BOC: variants seen among roughly 807,000 people sequenced by gnomAD.
BOC encodes the protein BOC cell adhesion associated, oncogene regulated.
A neutral mutation model predicts 112.0 loss-of-function variants in BOC; 76 were observed. The observed-to-expected ratio is 0.68, with a 90% CI of 0.56 to 0.82. The LOEUF is 0.82. Among genes scored for constraint, BOC ranks in the 40% least tolerant of loss-of-function variants. The probability of loss-of-function intolerance (pLI) is 0.00; values close to 1 mark genes in which losing one functional copy is unlikely to be tolerated. For synonymous variants in BOC, 580 were observed against 599.8 expected, an observed-to-expected ratio of 0.97 and a Z score of 0.48; for missense variants, 1,309 against 1,511.7, an observed-to-expected ratio of 0.87 and a Z score of 2.22.
rs74968903 is a variant in BOC, at chr3:113,272,233, T to G, written c.668-177T>G. On this transcript the variant is annotated intron_variant, in intron 6 of 19. Transcript: ENST00000682979. ...TCCCTGCAGAAGCAGTCCTTGTTTC[T>G]GATAAGGACACCAAGCCCCAAGGGA... 2.4e-3 allele frequency: 1,600 copies of G among 665,036 alleles called. 22 individuals are homozygous for G. In the African/African-American group the frequency reaches 0.026, roughly 11 times the overall value. The allele number at this position is 665,036 out of a possible 1,614,324, so 41.2% of individuals were successfully genotyped here.
intron 2 of BOC, among the ~76,000 whole-genome samples, chr3:113,225,544 A>G (rs1941527649): frequency 6.6e-6 from 1 of 152,210 alleles, no homozygotes; most frequent in Non-Finnish European, 1.5e-5. Context: ...GTGACTCACT[A>G]AGAGTGCTGG....
intron 19 of BOC, among the ~76,000 whole-genome samples, chr3:113,286,304 GA>G (rs1949687154): frequency 6.6e-6 from 1 of 152,182 alleles, no homozygotes; most frequent in South Asian, 2.1e-4. Context: ...GGGGGGACTG[GA>G]TTGTGAGTGG....
chr3:113,249,303 A>G (rs901073687), intron 2 of BOC, among the ~76,000 whole-genome samples: 1 of 152,252 alleles, frequency 6.6e-6, no homozygotes, highest in African/African-American at 2.4e-5. Context: ...GGCAGGGCAC[A>G]TGGCTGTGAC....
Position 113,279,237 on chromosome 3 carries a change from G to A in BOC, c.1817-12G>A, listed in dbSNP as rs746230175. 9 of 1,610,926 alleles carry A rather than the reference G, an allele frequency of 5.6e-6. No individual in the cohort carries two copies. The highest frequency in any genetic ancestry group is 4.0e-5 in the African/African-American group (3 of 74,844). On this transcript the variant is annotated splice_polypyrimidine_tract_variant and intron_variant, in intron 11 of 19. Transcript: ENST00000682979. ...CCCTGCTTCCTTCCTCACTGGATAC[G>A]GTCTTTCCCAGCCCCAGAAGCTCCC...
In BOC at chr3:113,270,792, T is replaced by G. The variant is rs370429617; in HGVS notation, c.524-9T>G. ...ATCCCATCTTCCCCTGGCCCTGCCC[T>G]TTCCACAGGTAACTACCTGATCATG... On this transcript the variant is annotated splice_polypyrimidine_tract_variant and intron_variant, in intron 5 of 19. Coordinates refer to ENST00000682979, the MANE Select transcript of BOC (RefSeq NM_001378074.1). The G allele has an allele frequency of 1.2e-6, 2 of 1,604,234 alleles. No individual in the cohort carries two copies. The highest frequency in any genetic ancestry group is 1.1e-5 in the South Asian group (1 of 89,300).
intron 19 of BOC, among the ~76,000 whole-genome samples, chr3:113,286,441 C>G (rs376601745): frequency 1.3e-5 from 2 of 152,086 alleles, no homozygotes; most frequent in Non-Finnish European, 2.9e-5. Context: ...GGGCTCAGTG[C>G]GGGAGTCTCT....
intron 4 of BOC, among the ~76,000 whole-genome samples, chr3:113,263,088 G>A (rs750611624): frequency 4.6e-5 from 7 of 152,214 alleles, no homozygotes; most frequent in Non-Finnish European, 2.9e-5. Flanking sequence ...TTTGTGCCTT[G>A]TAGCATTAGC....
chr3:113,224,109 G>A (rs896697749), intron 2 of BOC, among the ~76,000 whole-genome samples: 8 of 152,224 alleles, frequency 5.3e-5, no homozygotes, highest in African/African-American at 1.2e-4. Context: ...TGCGGATAGC[G>A]GTGGGGAAGT....
intron 6 of BOC, chr3:113,271,145 C>A: frequency 2.7e-6 from 2 of 744,058 alleles, no homozygotes; most frequent in Non-Finnish European, 4.7e-6. Flanking sequence ...CATCTCACAG[C>A]ACACAGCACC....
intron 2 of BOC, among the ~76,000 whole-genome samples, chr3:113,217,268 C>G (rs1238382414): frequency 6.6e-6 from 1 of 152,216 alleles, no homozygotes; most frequent in Non-Finnish European, 1.5e-5. Context: ...GTAATCGCAA[C>G]ACTTTGGGAG....
chr3:113,228,648 A>G (rs1875112), intron 2 of BOC, among the ~76,000 whole-genome samples: 54,733 of 151,898 alleles, frequency 0.36, 10,156 homozygotes, highest in East Asian at 0.57. Flanking sequence ...GCTGTTCCAA[A>G]TGTTGGGGGA....
At chr3:113,286,439 T>C (rs912594571) in intron 19 of BOC, among the ~76,000 whole-genome samples, 2 of 152,092 alleles carry the variant, frequency 1.3e-5, no homozygotes, top group Non-Finnish European at 2.9e-5. Context: ...GTGGGCTCAG[T>C]GCGGGAGTCT....
At chr3:113,261,105 G>T (rs1946826202) in intron 4 of BOC, among the ~76,000 whole-genome samples, 1 of 152,108 alleles carries the variant, frequency 6.6e-6, no homozygotes, top group Non-Finnish European at 1.5e-5. Flanking sequence ...AGGCCCCACT[G>T]CCCCGTCTCT....
At chr3:113,245,600 T>C (rs1325754772) in intron 2 of BOC, among the ~76,000 whole-genome samples, 1 of 152,128 alleles carries the variant, frequency 6.6e-6, no homozygotes, top group Non-Finnish European at 1.5e-5. Context: ...TTTAAGACAA[T>C]TGGGAAAGGT....
At chr3:113,224,172 G>A (rs1941259037) in intron 2 of BOC, among the ~76,000 whole-genome samples, 1 of 152,192 alleles carries the variant, frequency 6.6e-6, no homozygotes, top group Admixed American at 6.5e-5. Flanking sequence ...ACATCCGGTG[G>A]TGGTGGCAGG....
intron 9 of BOC, among the ~76,000 whole-genome samples, chr3:113,275,652 A>G (rs968312749): frequency 6.6e-6 from 1 of 152,182 alleles, no homozygotes; most frequent in Non-Finnish European, 1.5e-5. Context: ...TAAAAATGCT[A>G]TGTGCACTTG....
At position 113,273,097 on chromosome 3, in the gene BOC, C is replaced by T. The variant is rs923212864; in HGVS notation, c.990C>T (p.Ser330=). The change falls in exon 8 of 20, where the codon TCC becomes TCT. Residue 330 remains serine (S), a synonymous_variant. Coordinates refer to ENST00000682979, the MANE Select transcript of BOC (RefSeq NM_001378074.1). ...CCCCTGAGGTCACCATGGAGCTATC[C>T]CAGCTGGTCATCCCCTGGGGCCAGA... ...FEPPEVTMEL[S]QLVIPWGQSA... is the part of the protein sequence containing the mutation. The T allele has an allele frequency of 1.2e-6, 2 of 1,608,388 alleles. No individual in the cohort carries two copies. Among genetic ancestry groups the T allele is most frequent in the Non-Finnish European group, 1.7e-6 (2 of 1,175,522 alleles).
At chr3:113,253,972 A>G (rs1945933774) in intron 4 of BOC, among the ~76,000 whole-genome samples, 2 of 152,158 alleles carry the variant, frequency 1.3e-5, no homozygotes, top group Non-Finnish European at 2.9e-5. Context: ...TGAACCTTTT[A>G]TTGTTTGGGA....
intron 4 of BOC, among the ~76,000 whole-genome samples, chr3:113,266,636 T>A (rs1434579378): frequency 6.6e-6 from 1 of 152,220 alleles, no homozygotes; most frequent in Admixed American, 6.5e-5. Context: ...AAGATATTCA[T>A]TCGTTCATTC....
Sources: gnomAD v4.1 joint callset for allele counts (sites outside exome capture counted in the v4.1 genomes callset) on GRCh38, gnomAD v4.1.1 for gene constraint, MANE v1.5 for transcripts, NCBI Gene and HGNC (gene_info 2026-07-23, HGNC 2026-07-21) for gene names.